PKD2L1: variants seen among roughly 807,000 people sequenced by gnomAD.
The protein encoded by PKD2L1 is polycystin 2 like 1, transient receptor potential cation channel.
Under a neutral mutation model 93.0 loss-of-function variants are expected in PKD2L1, and 77 were observed. That is an observed-to-expected ratio of 0.83 (90% CI 0.69 to 1.00). The LOEUF is 1.00. PKD2L1 is among the 50% of genes least tolerant of loss of function. The probability of loss-of-function intolerance (pLI) is 0.00; values close to 1 mark genes in which losing one functional copy is unlikely to be tolerated. For missense variants in PKD2L1, 977 were observed against 990.9 expected, an observed-to-expected ratio of 0.99 and a Z score of 0.19; for synonymous variants, 390 against 388.0, an observed-to-expected ratio of 1.01 and a Z score of -0.06.
Position 100,292,978 on chromosome 10 carries a change from T to G in PKD2L1, c.1850A>C (p.Gln617Pro). Residue 617 changes from glutamine to proline, a missense_variant, in exon 11 of 16, where the codon CAG (glutamine) becomes CCG (proline). Gln to Pro is a moderately conservative substitution (Grantham distance 76). Coordinates refer to ENST00000318222, the MANE Select transcript of PKD2L1 (RefSeq NM_016112.3). ...TAAGGTGTTGGTGAAATCCTCAAAC[T>G]GGATCTCCTGCTCCCCACCCTGCAG... Reference protein sequence around the residue: ...KVLQGGEQEIQFEDFTNTLRE... With the variant: ...KVLQGGEQEIPFEDFTNTLRE... 3.1e-6 allele frequency: 5 copies of G among 1,614,172 alleles called. No individual in the cohort carries two copies. Among genetic ancestry groups the G allele is most frequent in the Non-Finnish European group, 4.2e-6 (5 of 1,180,006 alleles).
chr10:100,321,908 G>C (rs140653180), intron 2 of PKD2L1, among the ~76,000 whole-genome samples: 2 of 44,572 alleles, frequency 4.5e-5, no homozygotes, highest in South Asian at 1.0e-3. Context: ...AGGAAGCAAG[G>C]AAGGAAGGAA....
chr10:100,295,431 A>G (rs1233724298), intron 7 of PKD2L1, among the ~76,000 whole-genome samples: 1 of 147,030 alleles, frequency 6.8e-6, no homozygotes, highest in Non-Finnish European at 1.5e-5. Flanking sequence ...GGACCATTAA[A>G]AAAAAAAAAA....
Position 100,321,888 on chromosome 10 carries a change from G to GA in PKD2L1, c.349+7322dup, listed in dbSNP as rs1431520962. On this transcript the variant is annotated intron_variant, in intron 2 of 15. Transcript: ENST00000318222. ...GCAGGCAGGCAGGCAGGGAGGGAGG[G>GA]AGGGAGGGAAGGAAGCAAGGAAGGA... Among the ~76,000 whole-genome samples the GA allele has an allele frequency of 6.9e-4, 18 of 26,026 alleles. 4 individuals carry two copies. Among genetic ancestry groups the GA allele is most frequent in the Non-Finnish European group, 1.3e-3 (7 of 5,600 alleles). The allele number at this position is 26,026 out of a possible 152,430, so 17.1% of individuals were successfully genotyped here.
At chr10:100,307,410 C>A (rs970028714) in intron 2 of PKD2L1, among the ~76,000 whole-genome samples, 3 of 152,178 alleles carry the variant, frequency 2.0e-5, no homozygotes, top group African/African-American at 7.2e-5. Flanking sequence ...GTCATCCCAA[C>A]ACTTTAGGAG....
At position 100,325,363 on chromosome 10, in the gene PKD2L1, T is replaced by C. The variant is rs76372174; in HGVS notation, c.349+3848A>G. Among the ~76,000 whole-genome samples the C allele has an allele frequency of 6.3e-3, 964 of 152,240 alleles. 9 individuals are homozygous for C. The highest frequency in any genetic ancestry group is 0.022 in the African/African-American group (896 of 41,540). On this transcript the variant is annotated intron_variant, in intron 2 of 15. Transcript: ENST00000318222. ...CATCAGCGGGGTGAGGCCAGGACCTTGGAGAGCACCGAAGTGGCCCTCCTG... is the reference window on the plus strand; with the variant it reads ...CATCAGCGGGGTGAGGCCAGGACCTCGGAGAGCACCGAAGTGGCCCTCCTG...
intron 2 of PKD2L1, 151 bp downstream of exon 2, chr10:100,329,060 T>C (rs1263153645): frequency 3.2e-6 from 2 of 632,426 alleles, no homozygotes; most frequent in Non-Finnish European, 5.4e-6. Context: ...TAGATGGGAT[T>C]GGAATATTGT....
chr10:100,294,420 A>G lies in PKD2L1; in HGVS notation c.1659+115T>C, dbSNP rs1848473002. 3.6e-6 allele frequency: 4 copies of G among 1,106,750 alleles called. No homozygotes were observed. In the South Asian group the frequency reaches 5.4e-5, roughly 15 times the overall value. The allele number at this position is 1,106,750 out of a possible 1,614,324, so 68.6% of individuals were successfully genotyped here. A position where few individuals can be genotyped will look rare whatever the true frequency, so the allele number is the denominator to read the frequency against. On this transcript the variant is annotated intron_variant, in intron 9 of 15. Coordinates refer to ENST00000318222, the MANE Select transcript of PKD2L1 (RefSeq NM_016112.3). ...AGAAGATCCAGACATCGGCCCCCCCACTCACTCTCCATCCTTGATTTGAGA... is the reference window on the plus strand; with the variant it reads ...AGAAGATCCAGACATCGGCCCCCCCGCTCACTCTCCATCCTTGATTTGAGA...
At chr10:100,298,509 T>A in intron 4 of PKD2L1, 53 bp downstream of exon 4, 1 of 1,580,592 alleles carries the variant, frequency 6.3e-7, no homozygotes, top group Non-Finnish European at 8.6e-7. Context: ...CTTGGGATGG[T>A]GTCAGGTTTA....
At chr10:100,311,519 A>C (rs1848932238) in intron 2 of PKD2L1, among the ~76,000 whole-genome samples, 1 of 152,188 alleles carries the variant, frequency 6.6e-6, no homozygotes, top group South Asian at 2.1e-4. Flanking sequence ...TAGAGACTGA[A>C]TATTCTTGTG....
chr10:100,313,513 A>G (rs989469770), intron 2 of PKD2L1, among the ~76,000 whole-genome samples: 1 of 152,216 alleles, frequency 6.6e-6, no homozygotes, highest in Non-Finnish European at 1.5e-5. Context: ...TACTATACAG[A>G]AGTCCTGGCT....
intron 12 of PKD2L1, among the ~76,000 whole-genome samples, 189 bp from the exon 13 acceptor site, chr10:100,290,708 T>C (rs1848388262): frequency 6.6e-6 from 1 of 152,012 alleles, no homozygotes; most frequent in African/African-American, 2.4e-5. Context: ...TCTGGAGGAG[T>C]CACCTCTCAA....
intron 2 of PKD2L1, among the ~76,000 whole-genome samples, chr10:100,314,954 AGAAAGAAAGAAGGAAGGAAG>A (rs1337221189): frequency 1.8e-5 from 1 of 54,536 alleles, no homozygotes; most frequent in Admixed American, 2.8e-4. Context: ...AAAGAAAGAA[AGAAAGAAAGAAGGAAGGAAG>A]GAAGGAAGGA....
intron 12 of PKD2L1, among the ~76,000 whole-genome samples, chr10:100,290,804 G>T (rs1344674966): frequency 6.6e-6 from 1 of 152,230 alleles, no homozygotes; most frequent in Non-Finnish European, 1.5e-5. Context: ...CACTACCAGT[G>T]TTCTTGGCAC....
chr10:100,321,781 A>G (rs1589682392), intron 2 of PKD2L1, among the ~76,000 whole-genome samples: 2 of 4,520 alleles, frequency 4.4e-4, no homozygotes, highest in Non-Finnish European at 1.1e-3. Flanking sequence ...GGAGGGAGGG[A>G]GGGAGGGAGG....
Position 100,329,878 on chromosome 10 carries a change from C to A in PKD2L1, c.226G>T (p.Gly76Cys), listed in dbSNP as rs117403721. ...TCCCCCTATCTGGTACCTCTGATGC[C>A]TTGACAGATATGGAGGCAGCAGCTG... is the stretch of plus-strand genomic sequence containing the variant. ...VSSCCLHICQ[G>C]IRGLWGTTLT... Residue 76 changes from glycine (G) to cysteine (C), a missense_variant, in exon 1 of 16, where the codon GGC (glycine) becomes TGC (cysteine). Transcript: ENST00000318222. 5.2e-3 allele frequency: 8,343 copies of A among 1,604,108 alleles called. 38 individuals are homozygous for A. Among genetic ancestry groups the A allele is most frequent in the South Asian group, 8.2e-3 (738 of 90,530 alleles).
intron 2 of PKD2L1, among the ~76,000 whole-genome samples, chr10:100,315,169 A>G (rs10883459): frequency 0.62 from 69,024 of 111,088 alleles, 23,590 homozygotes; most frequent in African/African-American, 0.72. Context: ...GTGATTACTG[A>G]GAGGGATTTT....
intron 2 of PKD2L1, among the ~76,000 whole-genome samples, chr10:100,323,173 A>G (rs1287787664): frequency 6.6e-6 from 1 of 152,226 alleles, no homozygotes; most frequent in Non-Finnish European, 1.5e-5. Context: ...TGCTACTCAA[A>G]TAATACTATC....
In PKD2L1 at chr10:100,321,177, G is replaced by A. The variant is rs149436516; in HGVS notation, c.349+8034C>T. Among the ~76,000 whole-genome samples, 283 of 151,974 alleles carry A rather than the reference G, an allele frequency of 1.9e-3. 1 individual carries two copies. The highest frequency in any genetic ancestry group is 5.3e-3 in the African/African-American group (221 of 41,446). On this transcript the variant is annotated intron_variant, in intron 2 of 15. Coordinates refer to ENST00000318222, the MANE Select transcript of PKD2L1 (RefSeq NM_016112.3). ...CAGCCTAGAAAATATAGCAACACCC[G>A]ACACAGGCACAGTGGCTCACGCCTG...
chr10:100,303,810 G>T (rs772000319), intron 2 of PKD2L1, among the ~76,000 whole-genome samples: 1 of 152,180 alleles, frequency 6.6e-6, no homozygotes, highest in Non-Finnish European at 1.5e-5. Flanking sequence ...TCAAACTTCT[G>T]TGTGCGGAAA....
Sources: allele counts gnomAD v4.1 joint callset (sites outside exome capture counted in the v4.1 genomes callset), GRCh38; gene constraint gnomAD v4.1.1; transcripts MANE v1.5; gene names NCBI Gene and HGNC (gene_info 2026-07-23, HGNC 2026-07-21).